The following MARCHF10 variants were observed in gnomAD, a reference collection of about 807,000 sequenced individuals.
MARCHF10 encodes probable E3 ubiquitin-protein ligase MARCHF10.
MARCHF10 carries 64 observed loss-of-function variants against 76.2 expected under a neutral mutation model. That is an observed-to-expected ratio of 0.84 (90% CI 0.69 to 1.03). The LOEUF (loss-of-function observed/expected upper bound fraction) is 1.03, where lower values mean the gene tolerates loss of function less well. Among genes scored for constraint, MARCHF10 ranks in the 50% least tolerant of loss-of-function variants. The pLI is 0.00. For missense variants in MARCHF10, 875 were observed against 958.0 expected, an observed-to-expected ratio of 0.91 and a Z score of 1.14; for synonymous variants, 340 against 357.5, an observed-to-expected ratio of 0.95 and a Z score of 0.55.
At chr17:62,755,960 A>T (rs1420191236) in intron 4 of MARCHF10, among the ~76,000 whole-genome samples, 2 of 151,880 alleles carry the variant, frequency 1.3e-5, no homozygotes, top group African/African-American at 4.8e-5. Context: ...TAAAAAGTAA[A>T]AAAAATGGCT....
chr17:62,744,090 G>C (rs1274571909), intron 5 of MARCHF10, among the ~76,000 whole-genome samples: 1 of 152,094 alleles, frequency 6.6e-6, no homozygotes. Context: ...CAGCTGTACA[G>C]CTGGTGTCCA....
chr17:62,740,079 T>TGCGC (rs920730305), intron 5 of MARCHF10, among the ~76,000 whole-genome samples: 56 of 78,058 alleles, frequency 7.2e-4, no homozygotes, highest in African/African-American at 1.9e-3. Context: ...TGTGTGTGTG[T>TGCGC]GTGCGTGTGT....
At chr17:62,761,619 G>A (rs755837381) in intron 3 of MARCHF10, among the ~76,000 whole-genome samples, 12 of 151,842 alleles carry the variant, frequency 7.9e-5, no homozygotes, top group East Asian at 1.9e-4. Flanking sequence ...ACGGGGTTTC[G>A]TTATGTTGGC....
At position 62,756,830 on chromosome 17, in the gene MARCHF10, G is replaced by A. The variant is rs1234470262; in HGVS notation, c.382+3005C>T. ...ACTCCAAAACACTTGCCCATAAACC[G>A]CATGCGCCACTGCATGGAGAGATAT... is the stretch of plus-strand genomic sequence containing the variant. On this transcript the variant is annotated intron_variant, in intron 4 of 10. Coordinates refer to ENST00000311269, the MANE Select transcript of MARCHF10 (RefSeq NM_152598.4). Among the ~76,000 whole-genome samples the A allele has an allele frequency of 3.3e-5, 5 of 152,102 alleles. No individual in the cohort carries two copies. In the East Asian group the frequency reaches 5.8e-4, roughly 18 times the overall value.
chr17:62,748,378 C>T (rs531919490), intron 4 of MARCHF10, among the ~76,000 whole-genome samples: 12 of 151,340 alleles, frequency 7.9e-5, no homozygotes, highest in Non-Finnish European at 1.0e-4. Flanking sequence ...GCCTCCAGGC[C>T]GGGCGACAGT....
chr17:62,785,680 G>GA (rs1051056115), intron 3 of MARCHF10, among the ~76,000 whole-genome samples: 1 of 151,910 alleles, frequency 6.6e-6, no homozygotes, highest in African/African-American at 2.4e-5. Flanking sequence ...AAATCTACCA[G>GA]AAAAAAACAA....
chr17:62,731,878 TAAAA>T (rs1016402107), intron 6 of MARCHF10, among the ~76,000 whole-genome samples: 3 of 152,148 alleles, frequency 2.0e-5, no homozygotes, highest in African/African-American at 7.2e-5. Context: ...AGAAAAGGAT[TAAAA>T]AGCATAGAGT....
intron 6 of MARCHF10, among the ~76,000 whole-genome samples, chr17:62,729,112 TA>T (rs1366527089): frequency 2.0e-5 from 3 of 152,052 alleles, no homozygotes; most frequent in East Asian, 1.9e-4. Flanking sequence ...GTTATTTATT[TA>T]TTTTTTTTTT....
chr17:62,803,685 A>T (rs2093116297), intron 1 of MARCHF10, among the ~76,000 whole-genome samples: 1 of 152,004 alleles, frequency 6.6e-6, no homozygotes, highest in South Asian at 2.1e-4. Flanking sequence ...ACACCCGGCT[A>T]ATTTTTTATT....
At chr17:62,705,432 G>GGT in intron 10 of MARCHF10, 107 bp downstream of exon 10, 1 of 1,603,428 alleles carries the variant, frequency 6.2e-7, no homozygotes, top group Non-Finnish European at 8.5e-7. Flanking sequence ...TTTGCCTCTG[G>GGT]GTGGTGGTCA....
At chr17:62,747,052 A>G in intron 4 of MARCHF10, 2 of 1,086,224 alleles carry the variant, frequency 1.8e-6, no homozygotes, top group Non-Finnish European at 2.7e-6. Flanking sequence ...AAATTGCTTA[A>G]TGAGTATGTC....
intron 3 of MARCHF10, among the ~76,000 whole-genome samples, chr17:62,765,154 C>T (rs896920886): frequency 7.9e-5 from 12 of 151,046 alleles, no homozygotes; most frequent in African/African-American, 2.9e-4. Context: ...CAAGACCAGC[C>T]TGGCCAACAT....
rs527797863 is a variant in MARCHF10 at position 62,702,773 on chromosome 17, G to A, written c.2372-1015C>T. On this transcript the variant is annotated intron_variant, in intron 10 of 10. Transcript: ENST00000311269. The stretch of plus-strand genomic sequence containing the variant: ...AACTGACATCCCCTCAATCCTACCT[G>A]GACCCTCTCACCCTCTCAGTTCTAC... 2.6e-5 allele frequency among the ~76,000 whole-genome samples: 4 copies of A among 152,286 alleles called. No homozygotes were observed. The East Asian group carries it at 7.7e-4, about 29-fold the overall frequency.
chr17:62,758,323 T>A (rs1486222176), intron 4 of MARCHF10, among the ~76,000 whole-genome samples: 2 of 152,162 alleles, frequency 1.3e-5, no homozygotes, highest in African/African-American at 4.8e-5. Context: ...CACTCCAGCC[T>A]GGGCAACAGA....
intron 3 of MARCHF10, among the ~76,000 whole-genome samples, chr17:62,768,434 C>T (rs902603275): frequency 1.3e-5 from 2 of 152,118 alleles, no homozygotes; most frequent in African/African-American, 4.8e-5. Context: ...GCAGGAGAAT[C>T]GCTTGAACCT....
chr17:62,795,735 A>C lies in MARCHF10; in HGVS notation c.90+5911T>G, dbSNP rs969883889. Among the ~76,000 whole-genome samples, 5 of 152,234 alleles carry C rather than the reference A, an allele frequency of 3.3e-5. 1 individual carries two copies. The highest frequency in any genetic ancestry group is 1.3e-4 in the Admixed American group (2 of 15,284). ...AGTTCATTAAAGGTGAGTGGAGTAC[A>C]GGAAGGGACACACACCAAATGCAGA... is the stretch of plus-strand genomic sequence containing the variant. On this transcript the variant is annotated intron_variant, in intron 2 of 10. Transcript: ENST00000311269.
At chr17:62,794,810 T>C (rs754214690) in intron 2 of MARCHF10, among the ~76,000 whole-genome samples, 17 of 152,196 alleles carry the variant, frequency 1.1e-4, no homozygotes, top group Non-Finnish European at 2.2e-4. Flanking sequence ...GAGTTGCCAC[T>C]TCCTTCAGTT....
intron 8 of MARCHF10, among the ~76,000 whole-genome samples, chr17:62,716,692 CA>C (rs57272099): frequency 0.074 from 9,605 of 129,442 alleles, 966 homozygotes; most frequent in African/African-American, 0.23. Flanking sequence ...TAAACAAAAG[CA>C]AAAAAAAAAA....
chr17:62,779,381 G>A (rs1000921443), intron 3 of MARCHF10, among the ~76,000 whole-genome samples: 8 of 152,192 alleles, frequency 5.3e-5, no homozygotes, highest in African/African-American at 1.4e-4. Context: ...ATCCTAAGCC[G>A]TGGCTGCTTT....
Sources: allele counts gnomAD v4.1 joint callset (sites outside exome capture counted in the v4.1 genomes callset), GRCh38; gene constraint gnomAD v4.1.1; transcripts MANE v1.5; gene names NCBI Gene and HGNC (gene_info 2026-07-23, HGNC 2026-07-21).